Variants in FRAS1 observed in about 807,000 individuals in gnomAD.
FRAS1 encodes the protein Fraser extracellular matrix complex subunit 1.
Under a neutral mutation model 435.2 loss-of-function variants are expected in FRAS1, and 290 were observed. The ratio of observed to expected loss-of-function variants is 0.67; its 90% CI spans 0.61 to 0.73. The LOEUF is 0.73. FRAS1 is among the 30% of genes least tolerant of loss of function. FRAS1 has a pLI of 0.00. For synonymous variants in FRAS1, 1,800 were observed against 1,851.0 expected (o/e 0.97, Z 0.71); for missense variants, 4,860 against 5,001.5 (o/e 0.97, Z 0.85).
intron 50 of FRAS1, among the ~76,000 whole-genome samples, chr4:78,468,032 A>T (rs930203072): frequency 3.3e-5 from 5 of 152,054 alleles, no homozygotes. Flanking sequence ...TGGTCCCTTC[A>T]CTGTGTTGAT....
chr4:78,461,008 G>GA (rs891323596), intron 47 of FRAS1, among the ~76,000 whole-genome samples: 1 of 152,096 alleles, frequency 6.6e-6, no homozygotes, highest in African/African-American at 2.4e-5. Flanking sequence ...GAAGAAACAA[G>GA]AAAAAATCCT....
chr4:78,186,573 G>T (rs1178933369), intron 2 of FRAS1, among the ~76,000 whole-genome samples: 2 of 152,024 alleles, frequency 1.3e-5, no homozygotes, highest in African/African-American at 2.4e-5. Context: ...AAACTTACTG[G>T]TTTTTTTCAT....
At chr4:78,082,499 A>C (rs1196588453) in intron 2 of FRAS1, among the ~76,000 whole-genome samples, 1 of 152,152 alleles carries the variant, frequency 6.6e-6, no homozygotes, top group Non-Finnish European at 1.5e-5. Flanking sequence ...AATACTTGTT[A>C]AATGTTAGAA....
At chr4:78,510,609 A>G (rs1205635417) in intron 63 of FRAS1, among the ~76,000 whole-genome samples, 1 of 152,250 alleles carries the variant, frequency 6.6e-6, no homozygotes, top group Non-Finnish European at 1.5e-5. Flanking sequence ...AAATGCACAC[A>G]TAACCTAAAG....
intron 2 of FRAS1, among the ~76,000 whole-genome samples, chr4:78,138,553 C>T (rs1720024800): frequency 1.3e-5 from 2 of 152,120 alleles, no homozygotes; most frequent in Non-Finnish European, 2.9e-5. Context: ...ACGGCTTTTC[C>T]AGCCTTGATA....
intron 2 of FRAS1, among the ~76,000 whole-genome samples, chr4:78,186,008 G>A (rs987346103): frequency 2.0e-5 from 3 of 152,138 alleles, no homozygotes. Flanking sequence ...TAACCTTAAG[G>A]TTGAATATTC....
At chr4:78,278,051 G>A (rs576982654) in intron 9 of FRAS1, among the ~76,000 whole-genome samples, 26 of 152,136 alleles carry the variant, frequency 1.7e-4, no homozygotes, top group East Asian at 5.8e-4. Context: ...CGCCCGCCTC[G>A]GCCTCCCAAA....
intron 19 of FRAS1, among the ~76,000 whole-genome samples, chr4:78,333,947 A>G (rs1040954095): frequency 3.3e-5 from 5 of 152,008 alleles, no homozygotes; most frequent in African/African-American, 9.7e-5. Flanking sequence ...GAAACCATAC[A>G]TATGTGCCAC....
chr4:78,466,469 G>GA, intron 50 of FRAS1, 34 bp downstream of exon 50: 2 of 1,469,756 alleles, frequency 1.4e-6, no homozygotes, highest in Non-Finnish European at 1.9e-6. Flanking sequence ...AGGTAGCCTA[G>GA]CACTGCATGG....
rs1731570942 is a variant in FRAS1, at chr4:78,372,860, T to G, written c.3010+2T>G. ...ACCAGGACTCGGGCCTCTGCAAGAGTAAGTGTGTAGAGGCCCTGCTCTGTG... is the reference window on the plus strand; with the variant it reads ...ACCAGGACTCGGGCCTCTGCAAGAGGAAGTGTGTAGAGGCCCTGCTCTGTG... On this transcript the variant is annotated splice_donor_variant, in intron 24 of 73. Transcript: ENST00000512123. LOFTEE classifies it high-confidence loss of function. 1.2e-6 allele frequency: 2 copies of G among 1,611,764 alleles called. No homozygotes were observed. Among genetic ancestry groups the G allele is most frequent in the Non-Finnish European group, 1.7e-6 (2 of 1,179,506 alleles).
intron 2 of FRAS1, among the ~76,000 whole-genome samples, chr4:78,135,747 T>C (rs1458658490): frequency 2.6e-5 from 4 of 152,232 alleles, no homozygotes; most frequent in Non-Finnish European, 4.4e-5. Context: ...GTTGGGCAGA[T>C]TGTACACTGT....
At chr4:78,356,557 A>G (rs1405103792) in intron 20 of FRAS1, among the ~76,000 whole-genome samples, 1 of 152,188 alleles carries the variant, frequency 6.6e-6, no homozygotes, top group Admixed American at 6.5e-5. Flanking sequence ...TATTTGCATC[A>G]TAATATTCTT....
At chr4:78,254,392 C>A (rs1224949741) in intron 5 of FRAS1, among the ~76,000 whole-genome samples, 2 of 152,126 alleles carry the variant, frequency 1.3e-5, no homozygotes, top group African/African-American at 4.8e-5. Context: ...CCTTTATTTA[C>A]ACTGGAGAAT....
intron 6 of FRAS1, among the ~76,000 whole-genome samples, chr4:78,259,853 A>C (rs181718033): frequency 0.22 from 33,751 of 151,846 alleles, 4,959 homozygotes; most frequent in Non-Finnish European, 0.33. Flanking sequence ...TGAACGTTTA[A>C]GTCTTTAATC....
chr4:78,508,690 C>G, intron 62 of FRAS1, 41 bp from the exon 63 acceptor site: 1 of 1,610,874 alleles, frequency 6.2e-7, no homozygotes, highest in Non-Finnish European at 8.5e-7. Context: ...CTGACCTTGC[C>G]AATACCCAAC....
intron 14 of FRAS1, among the ~76,000 whole-genome samples, chr4:78,295,298 G>A (rs754732276): frequency 6.6e-5 from 10 of 152,072 alleles, no homozygotes; most frequent in Non-Finnish European, 1.3e-4. Context: ...CAGTGTTTAA[G>A]CTTTTTGACA....
At chr4:78,413,921 C>A (rs1475712071) in intron 32 of FRAS1, among the ~76,000 whole-genome samples, 4 of 152,122 alleles carry the variant, frequency 2.6e-5, no homozygotes, top group Non-Finnish European at 5.9e-5. Flanking sequence ...TGCCAAAACC[C>A]CTCTTCCAGA....
chr4:78,401,009 A>G, intron 30 of FRAS1, 122 bp downstream of exon 30: 1 of 806,552 alleles, frequency 1.2e-6, no homozygotes, highest in Admixed American at 3.3e-5. Context: ...ATACCTTACA[A>G]ATCCCCTTTA....
In FRAS1 at chr4:78,450,998, C is replaced by G. The variant is rs150926854; in HGVS notation, c.6463+659C>G. Among the ~76,000 whole-genome samples the G allele has an allele frequency of 2.8e-3, 420 of 152,130 alleles. 3 individuals are homozygous for G. Among genetic ancestry groups the G allele is most frequent in the African/African-American group, 9.6e-3 (396 of 41,420 alleles). ...CCCTGCGGATAAAAAACAAGTGTCCCGCCCACACACTAACACCTAAAATTG... is the reference window on the plus strand; with the variant it reads ...CCCTGCGGATAAAAAACAAGTGTCCGGCCCACACACTAACACCTAAAATTG... On this transcript the variant is annotated intron_variant, in intron 45 of 73. Transcript: ENST00000512123.
Sources: allele counts gnomAD v4.1 joint callset (sites outside exome capture counted in the v4.1 genomes callset), GRCh38; gene constraint gnomAD v4.1.1; transcripts MANE v1.5; gene names NCBI Gene and HGNC (gene_info 2026-07-23, HGNC 2026-07-21).